Variants in IFRD1 observed in about 807,000 individuals in gnomAD.
IFRD1 encodes interferon-related developmental regulator 1.
In IFRD1, 35 loss-of-function variants were observed where a neutral mutation model predicts 52.9. That is an observed-to-expected ratio of 0.66 (90% CI 0.51 to 0.88). IFRD1 has a LOEUF of 0.88. IFRD1 is among the 40% of genes least tolerant of loss of function. IFRD1 has a pLI of 0.00. For missense variants in IFRD1, 517 were observed against 550.8 expected (o/e 0.94, Z 0.61); for synonymous variants, 184 against 188.4 (o/e 0.98, Z 0.19).
At chr7:112,458,581 A>T (rs1156349238) in intron 4 of IFRD1, among the ~76,000 whole-genome samples, 2 of 152,226 alleles carry the variant, frequency 1.3e-5, no homozygotes, top group Non-Finnish European at 2.9e-5. Context: ...CTTAAGATAG[A>T]TACTAATCTC....
rs968186331 is a variant in IFRD1 at position 112,455,039 on chromosome 7, G to A, written c.95-724G>A. On this transcript the variant is annotated intron_variant, in intron 1 of 11. Coordinates refer to ENST00000403825, the MANE Select transcript of IFRD1 (RefSeq NM_001550.4). The stretch of plus-strand genomic sequence containing the variant: ...GCACCACTACACCGGGCTAATTTTT[G>A]TATTAGTAGAGACGGGGTTTCACCA... Among the ~76,000 whole-genome samples, 7 of 151,282 alleles carry A rather than the reference G, an allele frequency of 4.6e-5. No individual in the cohort carries two copies. The East Asian group carries it at 1.2e-3, about 26-fold the overall frequency.
chr7:112,463,471 G>A (rs987337403), intron 8 of IFRD1, among the ~76,000 whole-genome samples: 4 of 151,988 alleles, frequency 2.6e-5, no homozygotes, highest in Admixed American at 2.6e-4. Flanking sequence ...GTGTAAAGTG[G>A]CTCTCTCCAA....
intron 1 of IFRD1, among the ~76,000 whole-genome samples, chr7:112,452,832 G>C (rs1223469682): frequency 6.6e-6 from 1 of 152,188 alleles, no homozygotes; most frequent in East Asian, 1.9e-4. Context: ...TAAACAAGTG[G>C]AAAATAATTC....
At chr7:112,451,952 TAA>T in intron 1 of IFRD1, 1 of 965,912 alleles carries the variant, frequency 1.0e-6, no homozygotes, top group East Asian at 1.1e-4. Flanking sequence ...AACTGGCATT[TAA>T]AAAAGCTCAA....
chr7:112,450,733 T>C lies in IFRD1; in HGVS notation c.45T>C (p.Ser15=). 1 of 1,612,746 alleles carries C rather than the reference T, an allele frequency of 6.2e-7. No homozygotes were observed. Among genetic ancestry groups the C allele is most frequent in the Non-Finnish European group, 8.5e-7 (1 of 1,179,846 alleles). ...KKRNTPHRGS[S]AGGGGSGAAA... Reference sequence around the variant, plus strand: ...GGAACACTCCCCACCGCGGTAGCAGTGCTGGCGGCGGCGGGTCAGGAGCAG... The same window carrying C: ...GGAACACTCCCCACCGCGGTAGCAGCGCTGGCGGCGGCGGGTCAGGAGCAG... The change falls in exon 1 of 12, where the codon AGT becomes AGC. Residue 15 remains serine (S), a synonymous_variant. Coordinates refer to ENST00000403825, the MANE Select transcript of IFRD1 (RefSeq NM_001550.4).
intron 1 of IFRD1, among the ~76,000 whole-genome samples, chr7:112,431,548 C>G (rs1794547516): frequency 6.6e-6 from 1 of 152,160 alleles, no homozygotes; most frequent in Non-Finnish European, 1.5e-5. Context: ...ACCCTCCCAC[C>G]ACCTATTCCT....
intron 8 of IFRD1, among the ~76,000 whole-genome samples, chr7:112,462,993 A>G (rs1795483087): frequency 1.3e-5 from 2 of 152,130 alleles, no homozygotes. Context: ...TTACCATCTT[A>G]TGTTCCAGGA....
chr7:112,443,151 G>T (rs1383984053), intron 1 of IFRD1, among the ~76,000 whole-genome samples: 1 of 152,184 alleles, frequency 6.6e-6, no homozygotes. Context: ...TAGAGCCTTG[G>T]ATCTTAATCA....
chr7:112,471,475 G>T (rs1220945508), intron 9 of IFRD1, among the ~76,000 whole-genome samples: 1 of 152,038 alleles, frequency 6.6e-6, no homozygotes, highest in Admixed American at 6.6e-5. Context: ...TCTCCCTGTG[G>T]CAGTCAGCTC....
At chr7:112,472,190 G>A in intron 9 of IFRD1, 29 bp from the exon 10 acceptor site, 1 of 1,613,214 alleles carries the variant, frequency 6.2e-7, no homozygotes, top group Non-Finnish European at 8.5e-7. Flanking sequence ...TTTAGTGCCT[G>A]TGGTAATTTT....
intron 1 of IFRD1, among the ~76,000 whole-genome samples, chr7:112,445,168 GC>G (rs1383958924): frequency 3.4e-5 from 5 of 148,666 alleles, no homozygotes; most frequent in Non-Finnish European, 7.4e-5. Context: ...CCGAGTTCAT[GC>G]CATTCTCCTG....
At position 112,476,055 on chromosome 7, in the gene IFRD1, A is replaced by C. The variant is rs994568412; in HGVS notation, c.*536A>C. 1 of 154,276 alleles carries C rather than the reference A, an allele frequency of 6.5e-6. No individual in the cohort carries two copies. Among genetic ancestry groups the C allele is most frequent in the East Asian group, 1.9e-4 (1 of 5,252 alleles). 9.6% of individuals were successfully genotyped at this position (154,276 alleles called of 1,614,324 possible). A position where few individuals can be genotyped will look rare whatever the true frequency, so the allele number is the denominator to read the frequency against. On this transcript the variant is annotated 3_prime_UTR_variant, in exon 12 of 12. Coordinates refer to ENST00000403825, the MANE Select transcript of IFRD1 (RefSeq NM_001550.4). Reference sequence around the variant, plus strand: ...TACTTAAAAGCCATTCAGTTCAGCTATTGGGAGTTCATGATGAATTAGCAT... The same window carrying C: ...TACTTAAAAGCCATTCAGTTCAGCTCTTGGGAGTTCATGATGAATTAGCAT...
intron 1 of IFRD1, among the ~76,000 whole-genome samples, chr7:112,437,830 A>AAG (rs1484580811): frequency 6.6e-6 from 1 of 152,098 alleles, no homozygotes; most frequent in African/African-American, 2.4e-5. Flanking sequence ...ACAGTGAACT[A>AAG]AGAGGCTAAG....
chr7:112,456,958 T>C lies in IFRD1; in HGVS notation c.329T>C (p.Leu110Pro). Reference protein sequence around the residue: ...QAALEGIKNALASKMLYEFIL... With the variant: ...QAALEGIKNAPASKMLYEFIL... ...GCTCTTGAAGGTATTAAAAATGCAC[T>C]GGCTTCAAAAATGCTGTATGAATTT... Residue 110 changes from leucine (L) to proline (P), a missense_variant, in exon 4 of 12, where the codon CTG becomes CCG. Leu to Pro is a moderately conservative substitution (Grantham distance 98). Transcript: ENST00000403825. 6.2e-7 allele frequency: 1 copy of C among 1,613,854 alleles called. No individual in the cohort carries two copies. Among genetic ancestry groups the C allele is most frequent in the Non-Finnish European group, 8.5e-7 (1 of 1,179,758 alleles).
At chr7:112,451,687 T>G (rs924558772) in intron 1 of IFRD1, among the ~76,000 whole-genome samples, 1 of 152,168 alleles carries the variant, frequency 6.6e-6, no homozygotes, top group Non-Finnish European at 1.5e-5. Flanking sequence ...AGGATTCCAA[T>G]TGGAATTGGA....
At chr7:112,452,804 A>G (rs1795197992) in intron 1 of IFRD1, among the ~76,000 whole-genome samples, 2 of 152,204 alleles carry the variant, frequency 1.3e-5, no homozygotes, top group African/African-American at 2.4e-5. Flanking sequence ...CCATTTCATC[A>G]CTGAATTTTA....
Position 112,455,784 on chromosome 7 carries a change from A to T in IFRD1, c.116A>T (p.Gln39Leu). Residue 39 changes from glutamine to leucine, a missense_variant, in exon 2 of 12, where the codon CAG (glutamine) becomes CTG (leucine). Transcript: ENST00000403825. ...ATAGGTGGCCAGCATCGAAATGTTCAGCCTTTTAGTGATGAAGATGCATCA... is the reference window on the plus strand; with the variant it reads ...ATAGGTGGCCAGCATCGAAATGTTCTGCCTTTTAGTGATGAAGATGCATCA... ...ATAGGQHRNV[Q>L]PFSDEDASIE... The T allele has an allele frequency of 6.2e-7, 1 of 1,611,850 alleles. No homozygotes were observed. The highest frequency in any genetic ancestry group is 2.2e-5 in the East Asian group (1 of 44,844).
chr7:112,435,870 T>TTC (rs911813411), intron 1 of IFRD1, among the ~76,000 whole-genome samples: 2 of 150,962 alleles, frequency 1.3e-5, no homozygotes, highest in Admixed American at 6.6e-5. Context: ...TTTTTCTTTT[T>TTC]TCTCTCTTTT....
chr7:112,459,266 T>C (rs966160828), intron 5 of IFRD1, among the ~76,000 whole-genome samples: 18 of 152,200 alleles, frequency 1.2e-4, no homozygotes, highest in African/African-American at 3.1e-4. Flanking sequence ...TGGGTAGACA[T>C]AGGAAACTGA....
Sources: allele counts gnomAD v4.1 joint callset (sites outside exome capture counted in the v4.1 genomes callset), GRCh38; gene constraint gnomAD v4.1.1; transcripts MANE v1.5; gene names NCBI Gene and HGNC (gene_info 2026-07-23, HGNC 2026-07-21).